Variants in ADAMTSL1 observed in about 807,000 individuals in gnomAD.
ADAMTSL1 encodes the protein ADAMTS-like protein 1.
Under a neutral mutation model 201.8 loss-of-function variants are expected in ADAMTSL1, and 126 were observed. The observed-to-expected ratio is 0.62, with a 90% CI of 0.54 to 0.72. The LOEUF (loss-of-function observed/expected upper bound fraction) is 0.72, where lower values mean the gene tolerates loss of function less well. ADAMTSL1 is among the 30% of genes least tolerant of loss of function. The pLI is 0.00. For missense variants in ADAMTSL1, 2,679 were observed against 2,277.8 expected (o/e 1.18, Z -3.59); for synonymous variants, 1,121 against 903.4 (o/e 1.24, Z -4.32).
chr9:18,232,485 C>T (rs1044551386), intron 2 of ADAMTSL1, among the ~76,000 whole-genome samples: 2 of 152,126 alleles, frequency 1.3e-5, no homozygotes, highest in East Asian at 3.8e-4. Context: ...CTTGTTTATT[C>T]CACAAGGATG....
intron 1 of ADAMTSL1, among the ~76,000 whole-genome samples, chr9:18,005,543 C>A (rs567064432): frequency 2.6e-4 from 40 of 152,118 alleles, no homozygotes; most frequent in African/African-American, 8.9e-4. Context: ...CCTTTGTTCT[C>A]CCCTCCATAC....
intron 1 of ADAMTSL1, among the ~76,000 whole-genome samples, chr9:18,498,223 GC>G (rs373956959): frequency 1.6e-4 from 24 of 152,008 alleles, no homozygotes; most frequent in African/African-American, 5.3e-4. Context: ...GGGGGTGGGG[GC>G]AGGGAGTGAT....
intron 2 of ADAMTSL1, among the ~76,000 whole-genome samples, chr9:18,463,245 T>A (rs1820876168): frequency 6.6e-6 from 1 of 152,192 alleles, no homozygotes; most frequent in Admixed American, 6.5e-5. Context: ...ATTATCACAT[T>A]GAGTTTCTGC....
intron 15 of ADAMTSL1, among the ~76,000 whole-genome samples, chr9:18,740,055 A>G (rs1033143379): frequency 1.3e-5 from 2 of 152,128 alleles, no homozygotes; most frequent in African/African-American, 4.8e-5. Flanking sequence ...AAATGGCTTC[A>G]TCTTTTGCAT....
chr9:18,148,662 T>A (rs1342660964), intron 1 of ADAMTSL1, among the ~76,000 whole-genome samples: 3 of 152,082 alleles, frequency 2.0e-5, no homozygotes. Flanking sequence ...GTAATGAAGC[T>A]ATAAAAATTA....
At chr9:18,089,160 C>CA (rs995103857) in intron 1 of ADAMTSL1, among the ~76,000 whole-genome samples, 7 of 151,220 alleles carry the variant, frequency 4.6e-5, no homozygotes, top group Non-Finnish European at 7.4e-5. Context: ...CTCAAAAAAC[C>CA]AAAAAAAAGA....
At chr9:18,821,780 G>C (rs556870109) in intron 21 of ADAMTSL1, among the ~76,000 whole-genome samples, 1 of 152,106 alleles carries the variant, frequency 6.6e-6, no homozygotes, top group Non-Finnish European at 1.5e-5. Context: ...CCCATGTAAA[G>C]GTGCACCTTT....
At chr9:18,565,759 C>A (rs1427841872) in intron 3 of ADAMTSL1, among the ~76,000 whole-genome samples, 1 of 152,148 alleles carries the variant, frequency 6.6e-6, no homozygotes, top group Non-Finnish European at 1.5e-5. Context: ...CGCAGACTGT[C>A]TAGACAGGGC....
intron 22 of ADAMTSL1, among the ~76,000 whole-genome samples, chr9:18,828,128 G>A (rs940995755): frequency 6.6e-6 from 1 of 152,200 alleles, no homozygotes; most frequent in East Asian, 1.9e-4. Flanking sequence ...TATTCATTAA[G>A]TGTTGCCATT....
intron 23 of ADAMTSL1, among the ~76,000 whole-genome samples, chr9:18,859,705 T>C (rs907388941): frequency 4.6e-5 from 7 of 152,210 alleles, no homozygotes; most frequent in African/African-American, 1.4e-4. Context: ...TAGGGAAATA[T>C]TTGGTCACAG....
chr9:18,239,793 G>A (rs1228934450), intron 2 of ADAMTSL1, among the ~76,000 whole-genome samples: 4 of 150,566 alleles, frequency 2.7e-5, no homozygotes, highest in Admixed American at 6.7e-5. Context: ...GAAGGAAGGA[G>A]GGAAAGAAAG....
chr9:18,451,355 A>G (rs1316957812), intron 2 of ADAMTSL1, among the ~76,000 whole-genome samples: 2 of 152,186 alleles, frequency 1.3e-5, no homozygotes, highest in African/African-American at 4.8e-5. Flanking sequence ...ATTAGTTTAG[A>G]AGTGATTTTA....
chr9:18,843,079 G>A lies in ADAMTSL1; in HGVS notation c.4249+13102G>A, dbSNP rs569789967. On this transcript the variant is annotated intron_variant, in intron 23 of 28. Coordinates refer to ENST00000380548, the MANE Select transcript of ADAMTSL1 (RefSeq NM_001040272.6). Reference sequence around the variant, plus strand: ...TGTGTGAATCTGATCCTGTCATTATGATGTTAGCTGGTTATTTTGCTCGTT... The same window carrying A: ...TGTGTGAATCTGATCCTGTCATTATAATGTTAGCTGGTTATTTTGCTCGTT... Among the ~76,000 whole-genome samples, 3 of 151,718 alleles carry A rather than the reference G, an allele frequency of 2.0e-5. No homozygotes were observed. In the South Asian group the frequency reaches 6.2e-4, roughly 31 times the overall value.
chr9:17,999,224 T>C (rs768152781), intron 1 of ADAMTSL1, among the ~76,000 whole-genome samples: 1 of 152,038 alleles, frequency 6.6e-6, no homozygotes, highest in Non-Finnish European at 1.5e-5. Context: ...ACAATTCCTT[T>C]GTAGTTTTTT....
intron 2 of ADAMTSL1, among the ~76,000 whole-genome samples, chr9:18,372,104 T>C (rs1837070049): frequency 6.6e-6 from 1 of 152,200 alleles, no homozygotes; most frequent in African/African-American, 2.4e-5. Context: ...ACTTCCTCAA[T>C]GACTGATTTA....
At chr9:18,863,792 GC>G (rs1432184618) in intron 23 of ADAMTSL1, among the ~76,000 whole-genome samples, 1 of 152,124 alleles carries the variant, frequency 6.6e-6, no homozygotes, top group Non-Finnish European at 1.5e-5. Context: ...TCACCCCATG[GC>G]CTTAGAGTGA....
At chr9:18,078,933 G>A (rs974908312) in intron 1 of ADAMTSL1, among the ~76,000 whole-genome samples, 2 of 152,192 alleles carry the variant, frequency 1.3e-5, no homozygotes, top group African/African-American at 4.8e-5. Flanking sequence ...GTGGATTCCA[G>A]GCAGCGACCT....
intron 2 of ADAMTSL1, among the ~76,000 whole-genome samples, chr9:18,350,979 A>G (rs1835939922): frequency 6.6e-6 from 1 of 152,216 alleles, no homozygotes; most frequent in Admixed American, 6.5e-5. Flanking sequence ...AATTTCTTAT[A>G]TGGAGCTTTT....
At chr9:18,666,371 T>C (rs986223348) in intron 9 of ADAMTSL1, among the ~76,000 whole-genome samples, 1 of 152,182 alleles carries the variant, frequency 6.6e-6, no homozygotes, top group African/African-American at 2.4e-5. Context: ...GGCTTTTCAT[T>C]AGAGACTCAG....
Sources: allele counts gnomAD v4.1 joint callset (sites outside exome capture counted in the v4.1 genomes callset), GRCh38; gene constraint gnomAD v4.1.1; transcripts MANE v1.5; gene names NCBI Gene and HGNC (gene_info 2026-07-23, HGNC 2026-07-21).